LDB2: variants seen among roughly 807,000 people sequenced by gnomAD.
LDB2 encodes the protein LIM domain binding 2, also known as LIM domain-binding protein 2.
LDB2 carries 12 observed loss-of-function variants against 44.3 expected under a neutral mutation model. The observed-to-expected ratio is 0.27, with a 90% CI of 0.17 to 0.44. The LOEUF (loss-of-function observed/expected upper bound fraction) is 0.44, where lower values mean the gene tolerates loss of function less well. Among genes scored for constraint, LDB2 ranks in the 20% least tolerant of loss-of-function variants. The pLI is 1.00. For missense variants in LDB2, 344 were observed against 473.5 expected, an observed-to-expected ratio of 0.73 and a Z score of 2.54; for synonymous variants, 164 against 174.8, an observed-to-expected ratio of 0.94 and a Z score of 0.49.
At chr4:16,670,530 A>G (rs1744461767) in intron 2 of LDB2, among the ~76,000 whole-genome samples, 1 of 152,204 alleles carries the variant, frequency 6.6e-6, no homozygotes, top group African/African-American at 2.4e-5. Flanking sequence ...CACTAATAGC[A>G]ATAGTTAAGT....
intron 1 of LDB2, among the ~76,000 whole-genome samples, chr4:16,783,363 A>G (rs1773714376): frequency 6.6e-6 from 1 of 152,276 alleles, no homozygotes; most frequent in Non-Finnish European, 1.5e-5. Flanking sequence ...CAAATCCTGC[A>G]TAAGGAAGGA....
intron 2 of LDB2, among the ~76,000 whole-genome samples, chr4:16,700,096 A>G (rs1262589598): frequency 1.3e-5 from 2 of 152,294 alleles, no homozygotes; most frequent in African/African-American, 2.4e-5. Context: ...AAAAATCCAA[A>G]ATCCAGAATG....
At chr4:16,525,711 A>G (rs1727965674) in intron 5 of LDB2, among the ~76,000 whole-genome samples, 1 of 150,152 alleles carries the variant, frequency 6.7e-6, no homozygotes, top group South Asian at 2.1e-4. Flanking sequence ...GAGTCAGATA[A>G]TAAATAAATT....
intron 1 of LDB2, among the ~76,000 whole-genome samples, chr4:16,808,427 G>T (rs1327684494): frequency 6.6e-6 from 1 of 152,194 alleles, no homozygotes; most frequent in Non-Finnish European, 1.5e-5. Context: ...ACCAGTGGAG[G>T]CTGGGGAGCC....
chr4:16,502,990 G>A (rs1002492542), intron 7 of LDB2, 117 bp from the exon 8 acceptor site: 143 of 1,602,038 alleles, frequency 8.9e-5, no homozygotes, highest in Non-Finnish European at 1.1e-4. Flanking sequence ...ACTGTACAAC[G>A]GGGTCAAGTC....
intron 1 of LDB2, among the ~76,000 whole-genome samples, chr4:16,862,573 C>T (rs571358266): frequency 3.6e-4 from 46 of 127,528 alleles, no homozygotes; most frequent in African/African-American, 1.4e-3. Context: ...GTGGAGGTTG[C>T]AGTGAGCCGA....
chr4:16,892,278 A>C (rs1723639172), intron 1 of LDB2, among the ~76,000 whole-genome samples: 1 of 151,986 alleles, frequency 6.6e-6, no homozygotes, highest in East Asian at 1.9e-4. Context: ...AAGTATCTTA[A>C]TCATGTTTAT....
At chr4:16,871,185 G>A (rs904471708) in intron 1 of LDB2, among the ~76,000 whole-genome samples, 1 of 152,086 alleles carries the variant, frequency 6.6e-6, no homozygotes, top group African/African-American at 2.4e-5. Flanking sequence ...GTGCCCTTGG[G>A]GTTATTTATG....
chr4:16,628,439 C>T (rs796618662), intron 2 of LDB2, among the ~76,000 whole-genome samples: 1 of 152,134 alleles, frequency 6.6e-6, no homozygotes. Flanking sequence ...ACTGATTTTC[C>T]AAATTGATAG....
At chr4:16,558,550 T>C (rs1740715238) in intron 5 of LDB2, among the ~76,000 whole-genome samples, 1 of 152,146 alleles carries the variant, frequency 6.6e-6, no homozygotes, top group African/African-American at 2.4e-5. Flanking sequence ...CCAAGAAATA[T>C]GGCACTATGT....
At chr4:16,653,554 A>G (rs1407635865) in intron 2 of LDB2, among the ~76,000 whole-genome samples, 1 of 152,204 alleles carries the variant, frequency 6.6e-6, no homozygotes, top group Non-Finnish European at 1.5e-5. Flanking sequence ...CATCTGCACA[A>G]AGATCAAACC....
rs376376372 is a variant in LDB2, at chr4:16,620,567, G to A, written c.236-24692C>T. On this transcript the variant is annotated intron_variant, in intron 2 of 7. Transcript: ENST00000304523. Reference sequence around the variant, plus strand: ...AATTCCCATTAAGGTGATACTTCTCGCCTCTCTCTGCCTTCTCATTCACTC... The same window carrying A: ...AATTCCCATTAAGGTGATACTTCTCACCTCTCTCTGCCTTCTCATTCACTC... Among the ~76,000 whole-genome samples the A allele has an allele frequency of 2.6e-5, 4 of 152,244 alleles. No homozygotes were observed. The East Asian group carries it at 5.8e-4, about 22-fold the overall frequency.
chr4:16,885,264 G>A (rs943302626), intron 1 of LDB2, among the ~76,000 whole-genome samples: 9 of 151,866 alleles, frequency 5.9e-5, no homozygotes, highest in African/African-American at 1.9e-4. Flanking sequence ...AGTCTTGGAG[G>A]TCGAGGCTGC....
intron 1 of LDB2, among the ~76,000 whole-genome samples, chr4:16,889,949 C>T (rs1411282501): frequency 1.3e-5 from 2 of 152,208 alleles, no homozygotes; most frequent in South Asian, 2.1e-4. Context: ...GACTCTTTTC[C>T]TTTATTGTCC....
chr4:16,641,392 T>C (rs1448514281), intron 2 of LDB2, among the ~76,000 whole-genome samples: 1 of 152,152 alleles, frequency 6.6e-6, no homozygotes, highest in African/African-American at 2.4e-5. Flanking sequence ...TGTTAGTCTG[T>C]TTTGCTTTGC....
chr4:16,624,324 T>C (rs1257430417), intron 2 of LDB2, among the ~76,000 whole-genome samples: 1 of 152,134 alleles, frequency 6.6e-6, no homozygotes, highest in African/African-American at 2.4e-5. Context: ...CTCGAACTCC[T>C]GGGCTCAAGC....
intron 2 of LDB2, among the ~76,000 whole-genome samples, chr4:16,642,550 G>A (rs1578417489): frequency 2.0e-5 from 3 of 152,098 alleles, no homozygotes; most frequent in Non-Finnish European, 2.9e-5. Flanking sequence ...AAGCATGAAG[G>A]AACAAGATAA....
chr4:16,712,591 G>A (rs1200006729), intron 2 of LDB2, among the ~76,000 whole-genome samples: 2 of 151,762 alleles, frequency 1.3e-5, no homozygotes, highest in African/African-American at 4.8e-5. Context: ...TTCTACAAAC[G>A]GCCAAAAAGC....
intron 2 of LDB2, among the ~76,000 whole-genome samples, chr4:16,630,002 G>A (rs1731451786): frequency 6.6e-6 from 1 of 152,144 alleles, no homozygotes; most frequent in South Asian, 2.1e-4. Context: ...GAACCAACTT[G>A]GAAAACACTC....
Sources: gnomAD v4.1 joint callset for allele counts (sites outside exome capture counted in the v4.1 genomes callset) on GRCh38, gnomAD v4.1.1 for gene constraint, MANE v1.5 for transcripts, NCBI Gene and HGNC (gene_info 2026-07-23, HGNC 2026-07-21) for gene names.